The following OR2C1 variants were observed in gnomAD, a reference collection of about 807,000 sequenced individuals.
OR2C1 encodes olfactory receptor family 2 subfamily C member 1, also known as olfactory receptor 2C1.
For synonymous variants in OR2C1, 209 were observed against 167.3 expected (o/e 1.25, Z -1.92); for missense variants, 468 against 388.3 (o/e 1.21, Z -1.73).
At chr16:3,355,383 G>T (rs914367041), upstream of OR2C1, among the ~76,000 whole-genome samples, 1 of 138,954 alleles carries the variant, frequency 7.2e-6, no homozygotes, top group Non-Finnish European at 1.5e-5. Context: ...GCTTGCACCT[G>T]GGAGGCGGAA....
the OR2C1 span, among the ~76,000 whole-genome samples, chr16:3,332,132 C>T: frequency 4.0e-5 from 6 of 148,196 alleles, no homozygotes; most frequent in African/African-American, 1.2e-4. Context: ...TGCTAGATGA[C>T]GAGTTAGTGG....
chr16:3,339,111 T>C, the OR2C1 span, among the ~76,000 whole-genome samples: 1 of 152,208 alleles, frequency 6.6e-6, no homozygotes, highest in East Asian at 1.9e-4. Flanking sequence ...TTACACAATA[T>C]GTGACCTTTT....
the OR2C1 span, among the ~76,000 whole-genome samples, chr16:3,328,453 G>T: frequency 6.6e-6 from 1 of 152,180 alleles, no homozygotes; most frequent in African/African-American, 2.4e-5. Context: ...TATGTACGCT[G>T]TGTGCTCATT....
the OR2C1 span, among the ~76,000 whole-genome samples, chr16:3,335,161 G>C: frequency 6.6e-6 from 1 of 152,162 alleles, no homozygotes; most frequent in African/African-American, 2.4e-5. Flanking sequence ...ACTATTAGTG[G>C]TCTTTTGTGG....
chr16:3,347,860 GCGCACACACA>G, the OR2C1 span, among the ~76,000 whole-genome samples: 1 of 4,986 alleles, frequency 2.0e-4, no homozygotes, highest in African/African-American at 7.9e-4. Context: ...ACGCACACAC[GCGCACACACA>G]CACGCACATG....
the OR2C1 span, among the ~76,000 whole-genome samples, chr16:3,343,351 C>T: frequency 1.3e-5 from 2 of 152,166 alleles, no homozygotes; most frequent in African/African-American, 4.8e-5. Flanking sequence ...CCTTTTGCCT[C>T]CCAAAGTGCT....
At chr16:3,357,885 G>A (rs1567287289), downstream of OR2C1, among the ~76,000 whole-genome samples, 2 of 152,110 alleles carry the variant, frequency 1.3e-5, no homozygotes, top group African/African-American at 4.8e-5. Context: ...GGAGGCTGAG[G>A]CAGGAGAATC....
At chr16:3,335,884 C>T in the OR2C1 span, among the ~76,000 whole-genome samples, 1 of 152,212 alleles carries the variant, frequency 6.6e-6, no homozygotes, top group East Asian at 1.9e-4. Flanking sequence ...TCGCTTCTTC[C>T]TTTCTAATTT....
chr16:3,325,014 C>T, the OR2C1 span, among the ~76,000 whole-genome samples: 2 of 152,156 alleles, frequency 1.3e-5, no homozygotes, highest in African/African-American at 4.8e-5. Flanking sequence ...CAGAGCCTCA[C>T]TCTGTCACCC....
chr16:3,337,962 C>T, the OR2C1 span, among the ~76,000 whole-genome samples: 1 of 152,162 alleles, frequency 6.6e-6, no homozygotes, highest in Non-Finnish European at 1.5e-5. Context: ...ACAAGCTGCC[C>T]CCAACCCTAG....
At chr16:3,325,461 ATATATATATATATATATATAT>A in the OR2C1 span, among the ~76,000 whole-genome samples, 7 of 76,618 alleles carry the variant, frequency 9.1e-5, no homozygotes, top group African/African-American at 2.4e-4. Context: ...ATGTCTAAAA[ATATATATATATATATATATAT>A]ATATATATAT....
the OR2C1 span, among the ~76,000 whole-genome samples, chr16:3,345,358 C>T: frequency 6.6e-6 from 1 of 151,708 alleles, no homozygotes; most frequent in Non-Finnish European, 1.5e-5. Flanking sequence ...TGATGGCGGG[C>T]ACCTGTAGTC....
At chr16:3,351,220 CTTTTTCTTT>C (rs1199124043), upstream of OR2C1, among the ~76,000 whole-genome samples, 2 of 18,654 alleles carry the variant, frequency 1.1e-4, no homozygotes, top group African/African-American at 4.2e-4. Flanking sequence ...TTTTCTTTTT[CTTTTTCTTT>C]TTTTTTTTTT....
chr16:3,327,108 C>T, the OR2C1 span, among the ~76,000 whole-genome samples: 1 of 151,986 alleles, frequency 6.6e-6, no homozygotes, highest in Non-Finnish European at 1.5e-5. Context: ...TATATGTACC[C>T]ACTTAGAGGT....
chr16:3,343,192 T>C, the OR2C1 span, among the ~76,000 whole-genome samples: 2 of 152,182 alleles, frequency 1.3e-5, no homozygotes, highest in Non-Finnish European at 2.9e-5. Context: ...TGTGATAAAA[T>C]TATAAAGAAA....
rs2030692086 is a variant in OR2C1, at chr16:3,356,952, G to T, written c.*73G>T. 1.1e-5 allele frequency: 14 copies of T among 1,266,438 alleles called. No individual in the cohort carries two copies. The highest frequency in any genetic ancestry group is 1.5e-5 in the Non-Finnish European group (14 of 925,954). The allele number at this position is 1,266,438 out of a possible 1,614,324, so 78.5% of individuals were successfully genotyped here. Reference sequence around the variant, plus strand: ...TCTCATTAACTCTCTCTGGCCAGGTGAACATGAGGAATACTAATTCCGGTA... The same window carrying T: ...TCTCATTAACTCTCTCTGGCCAGGTTAACATGAGGAATACTAATTCCGGTA... On this transcript the variant is annotated 3_prime_UTR_variant, in exon 1 of 1. Transcript: ENST00000304936.
chr16:3,326,026 G>T, the OR2C1 span, among the ~76,000 whole-genome samples: 1 of 151,428 alleles, frequency 6.6e-6, no homozygotes, highest in African/African-American at 2.4e-5. Context: ...TGTCTCCTGG[G>T]TTCAAGCAAT....
chr16:3,337,664 G>C, the OR2C1 span, among the ~76,000 whole-genome samples: 7 of 151,796 alleles, frequency 4.6e-5, no homozygotes, highest in African/African-American at 1.2e-4. Context: ...GTATTATCTT[G>C]ATGACCATTG....
At chr16:3,344,523 C>T in the OR2C1 span, among the ~76,000 whole-genome samples, 5 of 151,972 alleles carry the variant, frequency 3.3e-5, no homozygotes, top group Admixed American at 3.3e-4. Flanking sequence ...GTCAGGAGAT[C>T]GAGACCATCC....
Sources: gnomAD v4.1 joint callset for allele counts (sites outside exome capture counted in the v4.1 genomes callset) on GRCh38, gnomAD v4.1.1 for gene constraint, MANE v1.5 for transcripts, NCBI Gene and HGNC (gene_info 2026-07-23, HGNC 2026-07-21) for gene names.